The following GPR65 variants were observed in gnomAD, a reference collection of about 807,000 sequenced individuals.
The protein encoded by GPR65 is G protein-coupled receptor 65.
In GPR65, 2 loss-of-function variants were observed where a neutral mutation model predicts 0.7. The observed-to-expected ratio is 2.83, with a 90% CI of 1.16 to 8.92. The LOEUF (loss-of-function observed/expected upper bound fraction) is 8.92, where lower values mean the gene tolerates loss of function less well. Ranked by LOEUF, GPR65 falls within the 30% of genes most tolerant of loss-of-function variation. The pLI is 0.04. For synonymous variants in GPR65, 128 were observed against 146.5 expected (o/e 0.87, Z 0.91); for missense variants, 379 against 399.4 (o/e 0.95, Z 0.43).
intron 1 of GPR65, among the ~76,000 whole-genome samples, chr14:88,008,645 G>A (rs944895813): frequency 1.1e-4 from 17 of 152,164 alleles, no homozygotes; most frequent in African/African-American, 2.4e-4. Context: ...ATATGTATGC[G>A]TTTATGTTGA....
At chr14:88,007,784 C>CTGTGTGTGTG (rs764452295) in intron 1 of GPR65, among the ~76,000 whole-genome samples, 3 of 114,060 alleles carry the variant, frequency 2.6e-5, no homozygotes, top group African/African-American at 1.1e-4. Flanking sequence ...ATTATTCTCT[C>CTGTGTGTGTG]TGTGTGTATG....
At chr14:88,008,478 A>G (rs2044067) in intron 1 of GPR65, among the ~76,000 whole-genome samples, 113,113 of 152,108 alleles carry the variant, frequency 0.74, 42,666 homozygotes, top group East Asian at 0.98. Flanking sequence ...TGCATGTAGC[A>G]ATAATTTATT....
chr14:88,010,629 T>C lies in GPR65; in HGVS notation c.-219T>C. 2.0e-6 allele frequency: 1 copy of C among 496,368 alleles called. No homozygotes were observed. Among genetic ancestry groups the C allele is most frequent in the Non-Finnish European group, 3.6e-6 (1 of 279,280 alleles). The allele number at this position is 496,368 out of a possible 1,614,324, so 30.7% of individuals were successfully genotyped here. On this transcript the variant is annotated 5_prime_UTR_variant, in exon 2 of 2. Transcript: ENST00000267549. Reference sequence around the variant, plus strand: ...CCCCTTTAGCCAATTGCCAGGAGCCTGGATTTTTACTTCCAACTGCTGATA... The same window carrying C: ...CCCCTTTAGCCAATTGCCAGGAGCCCGGATTTTTACTTCCAACTGCTGATA...
At position 88,012,715 on chromosome 14, in the gene GPR65, C is replaced by T. The variant is rs961118162; in HGVS notation, c.*854C>T. The stretch of plus-strand genomic sequence containing the variant: ...TAGTATTCTGTTGCATGGTTATACT[C>T]CATTTTGTTTATCTAATCACTTGGC... On this transcript the variant is annotated 3_prime_UTR_variant, in exon 2 of 2. Coordinates refer to ENST00000267549, the MANE Select transcript of GPR65 (RefSeq NM_003608.4). 6.6e-6 allele frequency: 1 copy of T among 152,114 alleles called. No individual in the cohort carries two copies. The highest frequency in any genetic ancestry group is 1.5e-5 in the Non-Finnish European group (1 of 68,014). The allele number at this position is 152,114 out of a possible 1,614,324, so 9.4% of individuals were successfully genotyped here.
In GPR65 at chr14:88,014,772, A is replaced by T. The variant is rs28734987; in HGVS notation, c.*2911A>T. The T allele has an allele frequency of 4.1e-3, 617 of 152,254 alleles. 6 individuals are homozygous for T. Among genetic ancestry groups the T allele is most frequent in the African/African-American group, 0.014 (584 of 41,566 alleles). The allele number at this position is 152,254 out of a possible 1,614,324, so 9.4% of individuals were successfully genotyped here. On this transcript the variant is annotated 3_prime_UTR_variant, in exon 2 of 2. Coordinates refer to ENST00000267549, the MANE Select transcript of GPR65 (RefSeq NM_003608.4). ...CATTCAATGTGAGAATAAAAATTCT[A>T]TATTTTATTCTAGAATAAAATTATA...
At position 88,014,682 on chromosome 14, in the gene GPR65, G is replaced by A. The variant is rs141334693; in HGVS notation, c.*2821G>A. ...GACTCCTCAAATAATGTTACAATTCGATGTTCAAAAAGCAATCCAGGTACA... is the reference window on the plus strand; with the variant it reads ...GACTCCTCAAATAATGTTACAATTCAATGTTCAAAAAGCAATCCAGGTACA... On this transcript the variant is annotated 3_prime_UTR_variant, in exon 2 of 2. Transcript: ENST00000267549. The A allele has an allele frequency of 6.6e-6, 1 of 151,914 alleles. No homozygotes were observed. The highest frequency in any genetic ancestry group is 1.5e-5 in the Non-Finnish European group (1 of 67,982). 9.4% of individuals were successfully genotyped at this position (151,914 alleles called of 1,614,324 possible). A position where few individuals can be genotyped will look rare whatever the true frequency, so the allele number is the denominator to read the frequency against.
At chr14:88,009,699 A>G (rs1887645280) in intron 1 of GPR65, among the ~76,000 whole-genome samples, 1 of 152,234 alleles carries the variant, frequency 6.6e-6, no homozygotes, top group South Asian at 2.1e-4. Flanking sequence ...TAGCTTTAAA[A>G]AGACACTAAC....
chr14:88,009,201 A>G (rs1241136747), intron 1 of GPR65, among the ~76,000 whole-genome samples: 5 of 152,100 alleles, frequency 3.3e-5, no homozygotes, highest in Admixed American at 2.0e-4. Context: ...GTTCCTCCAG[A>G]TCTACATATG....
Position 88,013,911 on chromosome 14 carries a change from G to GGAGTTTTGTT in GPR65, c.*2051_*2060dup, listed in dbSNP as rs1309969300. ...GTGGCTGGCCAGGAAAAGCCATGCA[G>GGAGTTTTGTT]GAGTTTTGTTTGTGGCCACTAGGTG... On this transcript the variant is annotated 3_prime_UTR_variant, in exon 2 of 2. Transcript: ENST00000267549. 2.0e-5 allele frequency: 3 copies of GGAGTTTTGTT among 152,262 alleles called. No individual in the cohort carries two copies. The highest frequency in any genetic ancestry group is 7.2e-5 in the African/African-American group (3 of 41,434). 9.4% of individuals were successfully genotyped at this position (152,262 alleles called of 1,614,324 possible). A position where few individuals can be genotyped will look rare whatever the true frequency, so the allele number is the denominator to read the frequency against.
intron 1 of GPR65, among the ~76,000 whole-genome samples, chr14:88,007,442 A>C (rs1388244603): frequency 6.6e-6 from 1 of 151,740 alleles, no homozygotes; most frequent in African/African-American, 2.4e-5. Flanking sequence ...ACATGCTGAT[A>C]ATTTTGTGTT....
Position 88,010,745 on chromosome 14 carries a change from C to A in GPR65, c.-103C>A, listed in dbSNP as rs1887662690. 2.7e-6 allele frequency: 2 copies of A among 738,984 alleles called. No individual in the cohort carries two copies. Among genetic ancestry groups the A allele is most frequent in the Non-Finnish European group, 4.5e-6 (2 of 443,030 alleles). The allele number at this position is 738,984 out of a possible 1,614,324, so 45.8% of individuals were successfully genotyped here. A position where few individuals can be genotyped will look rare whatever the true frequency, so the allele number is the denominator to read the frequency against. On this transcript the variant is annotated 5_prime_UTR_variant, in exon 2 of 2. Coordinates refer to ENST00000267549, the MANE Select transcript of GPR65 (RefSeq NM_003608.4). ...AACAAAGAAAAATTGAAAAAGAATTCTCAGTAAAAGCGAATTCGATGTTCA... is the reference window on the plus strand; with the variant it reads ...AACAAAGAAAAATTGAAAAAGAATTATCAGTAAAAGCGAATTCGATGTTCA...
At position 88,011,128 on chromosome 14, in the gene GPR65, T is replaced by C. The variant is rs201126670; in HGVS notation, c.281T>C (p.Met94Thr). Residue 94 changes from methionine to threonine, a missense_variant, in exon 2 of 2, where the codon ATG becomes ACG. Coordinates refer to ENST00000267549, the MANE Select transcript of GPR65 (RefSeq NM_003608.4). ...TTGTGCAAAGGGAGTGCTTTTCTCA[T>C]GTACATGAATTTTTACAGCAGCACA... ...PALCKGSAFL[M>T]YMNFYSSTAF... is the part of the protein sequence containing the mutation. 152 of 1,614,036 alleles carry C rather than the reference T, an allele frequency of 9.4e-5. No homozygotes were observed. The East Asian group carries it at 1.1e-3, about 11-fold the overall frequency.
At chr14:88,006,906 A>G (rs147854590) in intron 1 of GPR65, among the ~76,000 whole-genome samples, 244 of 152,256 alleles carry the variant, frequency 1.6e-3, no homozygotes, top group African/African-American at 5.5e-3. Context: ...GGGATTTTGG[A>G]TGTAAATGTT....
Position 88,012,161 on chromosome 14 carries a change from G to C in GPR65, c.*300G>C. 1 of 191,162 alleles carries C rather than the reference G, an allele frequency of 5.2e-6. No individual in the cohort carries two copies. Among genetic ancestry groups the C allele is most frequent in the Non-Finnish European group, 1.1e-5 (1 of 87,604 alleles). The allele number at this position is 191,162 out of a possible 1,614,324, so 11.8% of individuals were successfully genotyped here. A position where few individuals can be genotyped will look rare whatever the true frequency, so the allele number is the denominator to read the frequency against. ...CTTAGAGTCAGTAAAGTATGTAGGGGACTGTTTCTTCCTTTGTGTCTGGGT... is the reference window on the plus strand; with the variant it reads ...CTTAGAGTCAGTAAAGTATGTAGGGCACTGTTTCTTCCTTTGTGTCTGGGT... On this transcript the variant is annotated 3_prime_UTR_variant, in exon 2 of 2. Transcript: ENST00000267549.
rs746253097 is a variant in GPR65 at position 88,010,970 on chromosome 14, G to A, written c.123G>A (p.Leu41=). The change falls in exon 2 of 2, where the codon CTG becomes CTA. Residue 41 remains leucine, a synonymous_variant. Transcript: ENST00000267549. ...TTGGATCTCTGTGTGTGTCTTTCCT[G>A]CAAGCAAAGAAGGAAAGTGAACTAG... ...ANIGSLCVSF[L]QAKKESELGI... 6.8e-6 allele frequency: 11 copies of A among 1,612,624 alleles called. No individual in the cohort carries two copies. The East Asian group carries it at 2.5e-4, about 36-fold the overall frequency.
chr14:88,011,521 T>A lies in GPR65; in HGVS notation c.674T>A (p.Ile225Lys). 2 of 1,613,978 alleles carry A rather than the reference T, an allele frequency of 1.2e-6. No homozygotes were observed. The highest frequency in any genetic ancestry group is 1.7e-6 in the Non-Finnish European group (2 of 1,179,886). ...GAAAACAAGGAAAAGAAGAGAATCA[T>A]AAAACTACTTGTCAGCATCACAGTT... is the stretch of plus-strand genomic sequence containing the variant. ...ATENKEKKRI[I>K]KLLVSITVTF... Residue 225 changes from isoleucine to lysine, a missense_variant, in exon 2 of 2, where the codon ATA becomes AAA. Transcript: ENST00000267549.
At position 88,011,618 on chromosome 14, in the gene GPR65, C is replaced by T. The variant is rs757771062; in HGVS notation, c.771C>T (p.Asn257=). The T allele has an allele frequency of 6.2e-7, 1 of 1,614,060 alleles. No homozygotes were observed. Residue 257 remains asparagine (N), a synonymous_variant, in exon 2 of 2, where the codon AAC becomes AAT. Transcript: ENST00000267549. The stretch of plus-strand genomic sequence containing the variant: ...GCTGCATTTTAGAGCATGCTGTGAA[C>T]TTCGAAGACCACAGCAATTCTGGGA... ...LIRCILEHAV[N]FEDHSNSGKR... is the part of the protein sequence containing the mutation.
At chr14:88,006,927 G>A (rs2139780537) in intron 1 of GPR65, among the ~76,000 whole-genome samples, 1 of 152,274 alleles carries the variant, frequency 6.6e-6, no homozygotes, top group East Asian at 1.9e-4. Flanking sequence ...CTGAGTGGTA[G>A]TTTACCTGAA....
Position 88,010,841 on chromosome 14 carries a change from G to A in GPR65, c.-7G>A, listed in dbSNP as rs371143409. On this transcript the variant is annotated 5_prime_UTR_variant, in exon 2 of 2. Coordinates refer to ENST00000267549, the MANE Select transcript of GPR65 (RefSeq NM_003608.4). ...ACTAATATAATTGCTACCTTAAAAA[G>A]GAAAAAATGAACAGCACATGTATTG... 7 of 1,596,200 alleles carry A rather than the reference G, an allele frequency of 4.4e-6. No individual in the cohort carries two copies. The highest frequency in any genetic ancestry group is 6.0e-6 in the Non-Finnish European group (7 of 1,165,762).
Sources: allele counts gnomAD v4.1 joint callset (sites outside exome capture counted in the v4.1 genomes callset), GRCh38; gene constraint gnomAD v4.1.1; transcripts MANE v1.5; gene names NCBI Gene and HGNC (gene_info 2026-07-23, HGNC 2026-07-21).